The following FAM240B variants were observed in gnomAD, a reference collection of about 807,000 sequenced individuals.
The protein encoded by FAM240B is family with sequence similarity 240 member B.
intron 2 of FAM240B, among the ~76,000 whole-genome samples, chr9:38,696,706 C>T (rs1207589933): frequency 1.3e-5 from 2 of 151,998 alleles, no homozygotes; most frequent in Non-Finnish European, 2.9e-5. Context: ...CCCAGCTACC[C>T]GGGAGGCTGA....
chr9:38,712,910 C>T (rs1423601043), intron 1 of FAM240B, among the ~76,000 whole-genome samples: 1 of 152,166 alleles, frequency 6.6e-6, no homozygotes, highest in African/African-American at 2.4e-5. Context: ...GTTTGAGCCA[C>T]TTCCCTCCTT....
chr9:38,694,610 T>C lies in FAM240B; in HGVS notation c.*166A>G. 1 of 393,756 alleles carries C rather than the reference T, an allele frequency of 2.5e-6. No homozygotes were observed. Among genetic ancestry groups the C allele is most frequent in the Admixed American group, 4.4e-5 (1 of 22,612 alleles). The allele number at this position is 393,756 out of a possible 1,614,324, so 24.4% of individuals were successfully genotyped here. ...GTGCGGAGGGGATTGAGCAGGATAA[T>C]AACTCCCATTAGCACTGGGGGAGGT... On this transcript the variant is annotated 3_prime_UTR_variant, in exon 3 of 3. Transcript: ENST00000637493.
At chr9:38,704,734 A>G (rs1821169536) in intron 1 of FAM240B, among the ~76,000 whole-genome samples, 1 of 152,172 alleles carries the variant, frequency 6.6e-6, no homozygotes, top group African/African-American at 2.4e-5. Flanking sequence ...CTGTCTATCG[A>G]GGACCCGATG....
chr9:38,694,589 G>C lies in FAM240B; in HGVS notation c.*187C>G. On this transcript the variant is annotated 3_prime_UTR_variant, in exon 3 of 3. Coordinates refer to ENST00000637493, the MANE Select transcript of FAM240B (RefSeq NM_001394922.1). ...CTTGCGGTCATCCTGTCCTCTGTGC[G>C]GAGGGGATTGAGCAGGATAATAACT... The C allele has an allele frequency of 2.6e-6, 1 of 391,386 alleles. No homozygotes were observed. Among genetic ancestry groups the C allele is most frequent in the Non-Finnish European group, 4.5e-6 (1 of 222,092 alleles). The allele number at this position is 391,386 out of a possible 1,614,324, so 24.2% of individuals were successfully genotyped here.
chr9:38,701,290 A>G (rs1821123386), intron 2 of FAM240B, among the ~76,000 whole-genome samples: 1 of 152,006 alleles, frequency 6.6e-6, no homozygotes, highest in East Asian at 1.9e-4. Flanking sequence ...ACGTTGGGAG[A>G]TTATTACTTT....
chr9:38,696,576 A>G (rs1821071296), intron 2 of FAM240B, among the ~76,000 whole-genome samples: 1 of 152,144 alleles, frequency 6.6e-6, no homozygotes, highest in Admixed American at 6.5e-5. Flanking sequence ...CTGGGAGGCC[A>G]AGGCGGGCAG....
At position 38,714,852 on chromosome 9, in the gene FAM240B, T is replaced by A. The variant is rs567684387; in HGVS notation, c.-4+5170A>T. 3.3e-5 allele frequency among the ~76,000 whole-genome samples: 5 copies of A among 152,296 alleles called. No individual in the cohort carries two copies. In the South Asian group the frequency reaches 1.0e-3, roughly 32 times the overall value. ...GATATATACACCAATAAATGCAACGTGGCATCCTGGATTGAATCCTGGAAC... is the reference window on the plus strand; with the variant it reads ...GATATATACACCAATAAATGCAACGAGGCATCCTGGATTGAATCCTGGAAC... On this transcript the variant is annotated intron_variant, in intron 1 of 2. Coordinates refer to ENST00000637493, the MANE Select transcript of FAM240B (RefSeq NM_001394922.1).
intron 1 of FAM240B, among the ~76,000 whole-genome samples, chr9:38,707,664 C>T (rs993020251): frequency 5.3e-5 from 8 of 150,496 alleles, no homozygotes; most frequent in African/African-American, 1.9e-4. Flanking sequence ...CGTGGTGGCA[C>T]ATGCCTGTAA....
chr9:38,710,242 A>G (rs757010020), intron 1 of FAM240B, among the ~76,000 whole-genome samples: 1 of 152,188 alleles, frequency 6.6e-6, no homozygotes, highest in Non-Finnish European at 1.5e-5. Flanking sequence ...TGCTGGGATT[A>G]CAGGTGTGAG....
At chr9:38,713,516 T>G (rs1364414436) in intron 1 of FAM240B, among the ~76,000 whole-genome samples, 1 of 149,436 alleles carries the variant, frequency 6.7e-6, no homozygotes, top group Non-Finnish European at 1.5e-5. Flanking sequence ...GAACTAGATT[T>G]CATCATCTGT....
At chr9:38,711,267 C>T (rs78922269) in intron 1 of FAM240B, among the ~76,000 whole-genome samples, 13,390 of 152,284 alleles carry the variant, frequency 0.088, 630 homozygotes, top group Middle Eastern at 0.11. Context: ...CAGCACCAAA[C>T]GTGTTTGTTT....
intron 2 of FAM240B, among the ~76,000 whole-genome samples, chr9:38,695,664 C>A (rs1587587598): frequency 1.3e-5 from 2 of 152,134 alleles, no homozygotes; most frequent in South Asian, 4.1e-4. Context: ...CCATGTAATG[C>A]CAATCAAAAT....
intron 1 of FAM240B, chr9:38,705,198 C>T (rs1054334768): frequency 3.3e-5 from 5 of 152,276 alleles, no homozygotes; most frequent in African/African-American, 1.2e-4. Context: ...GAGACCTGGT[C>T]CCTTACTTCA....
intron 2 of FAM240B, among the ~76,000 whole-genome samples, chr9:38,695,521 T>A (rs1270764127): frequency 1.3e-5 from 2 of 152,116 alleles, no homozygotes; most frequent in African/African-American, 2.4e-5. Context: ...CAAGACTCCG[T>A]CTCAAAAACA....
chr9:38,710,995 AGAGATGGCGGCTCAT>A (rs1821248713), intron 1 of FAM240B, among the ~76,000 whole-genome samples: 1 of 152,166 alleles, frequency 6.6e-6, no homozygotes, highest in Admixed American at 6.5e-5. Flanking sequence ...CACGGGACAG[AGAGATGGCGGCTCAT>A]GACAACAGCT....
At chr9:38,710,605 A>G (rs1011888256) in intron 1 of FAM240B, among the ~76,000 whole-genome samples, 4 of 152,164 alleles carry the variant, frequency 2.6e-5, no homozygotes, top group African/African-American at 9.7e-5. Flanking sequence ...GGGGAAATGC[A>G]TTGGTTTTGG....
intron 2 of FAM240B, among the ~76,000 whole-genome samples, chr9:38,696,641 C>T (rs570354201): frequency 1.3e-5 from 2 of 152,038 alleles, no homozygotes; most frequent in African/African-American, 2.4e-5. Context: ...AACCCCACCT[C>T]TACTAAAAAC....
intron 1 of FAM240B, among the ~76,000 whole-genome samples, chr9:38,704,647 C>T (rs539131095): frequency 3.9e-5 from 6 of 152,322 alleles, no homozygotes; most frequent in Admixed American, 2.0e-4. Context: ...TGCTAAGCCT[C>T]ATGCATGACA....
intron 2 of FAM240B, among the ~76,000 whole-genome samples, chr9:38,695,374 C>A (rs1821058431): frequency 6.6e-6 from 1 of 152,140 alleles, no homozygotes; most frequent in Non-Finnish European, 1.5e-5. Flanking sequence ...TACAAAAACA[C>A]AATTAGCTGG....
Sources: gnomAD v4.1 joint callset for allele counts (sites outside exome capture counted in the v4.1 genomes callset) on GRCh38, gnomAD v4.1.1 for gene constraint, MANE v1.5 for transcripts, NCBI Gene and HGNC (gene_info 2026-07-23, HGNC 2026-07-21) for gene names.